ZEB1: variants seen among roughly 807,000 people sequenced by gnomAD.
ZEB1 encodes zinc finger E-box-binding homeobox 1.
In ZEB1, 21 loss-of-function variants were observed where a neutral mutation model predicts 84.9. The ratio of observed to expected loss-of-function variants is 0.25; its 90% CI spans 0.18 to 0.36. The LOEUF (loss-of-function observed/expected upper bound fraction) is 0.36. Among genes scored for constraint, ZEB1 ranks in the 10% least tolerant of loss-of-function variants. The pLI, the probability that ZEB1 is intolerant of heterozygous loss-of-function variation, is 1.00. For missense variants in ZEB1, 1,104 were observed against 1,330.2 expected (o/e 0.83, Z 2.65); for synonymous variants, 420 against 471.1 (o/e 0.89, Z 1.41).
intron 1 of ZEB1, among the ~76,000 whole-genome samples, chr10:31,348,434 G>A (rs2040711227): frequency 6.6e-6 from 1 of 151,874 alleles, no homozygotes; most frequent in Non-Finnish European, 1.5e-5. Context: ...TGTGGTGGCG[G>A]GCTCCTGTAA....
intron 2 of ZEB1, among the ~76,000 whole-genome samples, chr10:31,466,312 C>T (rs2062414998): frequency 6.6e-6 from 1 of 152,174 alleles, no homozygotes; most frequent in Non-Finnish European, 1.5e-5. Context: ...AGAATATGCA[C>T]ATTTTTCTCA....
intron 1 of ZEB1, among the ~76,000 whole-genome samples, chr10:31,391,579 C>T (rs1453753764): frequency 2.6e-5 from 4 of 152,128 alleles, no homozygotes; most frequent in Non-Finnish European, 4.4e-5. Flanking sequence ...GTCAGATTAA[C>T]ACATCTATAT....
intron 1 of ZEB1, among the ~76,000 whole-genome samples, chr10:31,432,707 GC>G (rs1240258287): frequency 2.0e-5 from 3 of 152,152 alleles, no homozygotes; most frequent in African/African-American, 7.2e-5. Context: ...GTGATTTACG[GC>G]CCCAGAGTGC....
At chr10:31,516,856 T>A (rs951471736) in intron 6 of ZEB1, among the ~76,000 whole-genome samples, 1 of 152,036 alleles carries the variant, frequency 6.6e-6, no homozygotes, top group Non-Finnish European at 1.5e-5. Flanking sequence ...TCTGATGGTC[T>A]GGTTGATTCC....
chr10:31,358,196 G>A (rs974960277), intron 1 of ZEB1: 1 of 152,190 alleles, frequency 6.6e-6, no homozygotes, highest in Non-Finnish European at 1.5e-5. Flanking sequence ...GAGAGATGTG[G>A]ATATAGAAAT....
intron 2 of ZEB1, among the ~76,000 whole-genome samples, chr10:31,477,697 T>A (rs747142660): frequency 3.3e-5 from 5 of 151,832 alleles, no homozygotes; most frequent in Admixed American, 2.6e-4. Context: ...AAAGAACTCA[T>A]AAATAAAGTG....
At chr10:31,469,317 G>C (rs543433750) in intron 2 of ZEB1, among the ~76,000 whole-genome samples, 4 of 152,318 alleles carry the variant, frequency 2.6e-5, no homozygotes, top group Admixed American at 2.0e-4. Context: ...CATCTCACTA[G>C]GGAGTGCCAG....
At chr10:31,417,297 A>C (rs1225574891) in intron 1 of ZEB1, among the ~76,000 whole-genome samples, 2 of 152,108 alleles carry the variant, frequency 1.3e-5, no homozygotes, top group Non-Finnish European at 2.9e-5. Flanking sequence ...GTCCTAGTGC[A>C]TCATCTTTCC....
intron 1 of ZEB1, among the ~76,000 whole-genome samples, chr10:31,350,431 G>C (rs2041121375): frequency 1.3e-5 from 2 of 151,994 alleles, no homozygotes; most frequent in Admixed American, 1.3e-4. Context: ...TAATAATTTA[G>C]GCAACTAAAC....
Position 31,474,440 on chromosome 10 carries a change from G to A in ZEB1, c.259+13203G>A, listed in dbSNP as rs538239475. On this transcript the variant is annotated intron_variant, in intron 2 of 8. Transcript: ENST00000424869. The stretch of plus-strand genomic sequence containing the variant: ...CTTCTCGAAAGAAGACATTTATGCA[G>A]CCAAAAAACACATGAAAAAATGCTC... Among the ~76,000 whole-genome samples the A allele has an allele frequency of 7.9e-5, 12 of 152,262 alleles. No homozygotes were observed. In the South Asian group the frequency reaches 2.5e-3, roughly 32 times the overall value.
At chr10:31,525,342 A>G (rs572012339) in intron 8 of ZEB1, among the ~76,000 whole-genome samples, 50 of 152,294 alleles carry the variant, frequency 3.3e-4, no homozygotes, top group Middle Eastern at 6.8e-3. Flanking sequence ...GATAAATTTT[A>G]ACACCTGGTT....
intron 5 of ZEB1, among the ~76,000 whole-genome samples, chr10:31,513,102 G>T (rs780846212): frequency 2.0e-5 from 3 of 152,178 alleles, no homozygotes; most frequent in Non-Finnish European, 4.4e-5. Flanking sequence ...AACACTGACT[G>T]TTGGATGATA....
intron 2 of ZEB1, among the ~76,000 whole-genome samples, chr10:31,470,821 A>G (rs1207774943): frequency 8.5e-5 from 11 of 128,706 alleles, no homozygotes; most frequent in African/African-American, 1.9e-4. Flanking sequence ...GAGAAACGTC[A>G]GGTTACCCTC....
At chr10:31,345,034 A>G (rs942967003) in intron 1 of ZEB1, among the ~76,000 whole-genome samples, 1 of 152,152 alleles carries the variant, frequency 6.6e-6, no homozygotes, top group African/African-American at 2.4e-5. Flanking sequence ...CCAGATGTTA[A>G]TGTTTGACTG....
At chr10:31,450,299 CTTCATGTGT>C (rs2060400654) in intron 1 of ZEB1, among the ~76,000 whole-genome samples, 1 of 151,834 alleles carries the variant, frequency 6.6e-6, no homozygotes, top group Non-Finnish European at 1.5e-5. Flanking sequence ...AAGCTTTTTC[CTTCATGTGT>C]TTCATTTGTG....
chr10:31,426,522 C>T (rs1208184693), intron 1 of ZEB1, among the ~76,000 whole-genome samples: 4 of 152,146 alleles, frequency 2.6e-5, no homozygotes, highest in Admixed American at 2.0e-4. Flanking sequence ...TAGAGTCAGT[C>T]TAACTTTATA....
intron 1 of ZEB1, among the ~76,000 whole-genome samples, chr10:31,437,268 C>T (rs1378269027): frequency 4.6e-5 from 7 of 152,008 alleles, no homozygotes. Flanking sequence ...ATGTATATTA[C>T]TCATATTTGC....
At chr10:31,383,361 A>C (rs1201765054) in intron 1 of ZEB1, among the ~76,000 whole-genome samples, 1 of 152,012 alleles carries the variant, frequency 6.6e-6, no homozygotes, top group Non-Finnish European at 1.5e-5. Flanking sequence ...AAATGGGGCT[A>C]GTGGCCACAA....
rs770636014 is a variant in ZEB1 at position 31,437,691 on chromosome 10, A to C, written c.59-23346A>C. 2.6e-5 allele frequency among the ~76,000 whole-genome samples: 4 copies of C among 152,316 alleles called. No homozygotes were observed. In the South Asian group the frequency reaches 8.3e-4, roughly 32 times the overall value. On this transcript the variant is annotated intron_variant, in intron 1 of 8. Coordinates refer to ENST00000424869, the MANE Select transcript of ZEB1 (RefSeq NM_001174096.2). ...TAGATTACTATATGTTGTCATTCCC[A>C]TGGAAGTAAGGGAGGATCCGTCCTC... is the stretch of plus-strand genomic sequence containing the variant.
Sources: allele counts gnomAD v4.1 joint callset (sites outside exome capture counted in the v4.1 genomes callset), GRCh38; gene constraint gnomAD v4.1.1; transcripts MANE v1.5; gene names NCBI Gene and HGNC (gene_info 2026-07-23, HGNC 2026-07-21).